The following SDC2 variants were observed in gnomAD, a reference collection of about 807,000 sequenced individuals.
SDC2 encodes syndecan 2.
SDC2 carries 13 observed loss-of-function variants against 22.2 expected under a neutral mutation model. The observed-to-expected ratio is 0.59, with a 90% CI of 0.38 to 0.93. SDC2 has a LOEUF of 0.93. SDC2 is among the 40% of genes least tolerant of loss of function. SDC2 has a pLI of 0.00. For missense variants in SDC2, 235 were observed against 246.8 expected (o/e 0.95, Z 0.32); for synonymous variants, 94 against 92.8 (o/e 1.01, Z -0.07).
At chr8:96,563,630 G>A (rs187301100) in intron 1 of SDC2, among the ~76,000 whole-genome samples, 42 of 152,168 alleles carry the variant, frequency 2.8e-4, no homozygotes, top group Non-Finnish European at 5.9e-4. Flanking sequence ...AATTTGAGAT[G>A]CTGCCGGCCC....
At chr8:96,598,712 C>T (rs1302401421) in intron 2 of SDC2, among the ~76,000 whole-genome samples, 2 of 151,862 alleles carry the variant, frequency 1.3e-5, no homozygotes, top group Non-Finnish European at 2.9e-5. Flanking sequence ...AGGAAGGCTT[C>T]AGAGAGGGGG....
intron 1 of SDC2, among the ~76,000 whole-genome samples, chr8:96,583,521 G>T (rs1037345902): frequency 6.6e-6 from 1 of 150,660 alleles, no homozygotes; most frequent in Non-Finnish European, 1.5e-5. Context: ...TATCGGTCTT[G>T]TGCTTTCTGT....
intron 1 of SDC2, among the ~76,000 whole-genome samples, chr8:96,539,634 C>T (rs570876113): frequency 2.6e-5 from 4 of 152,328 alleles, no homozygotes; most frequent in African/African-American, 7.2e-5. Context: ...ATGCCTGCAT[C>T]GTTTAAGTTG....
chr8:96,596,260 G>A (rs1814874194), intron 2 of SDC2, among the ~76,000 whole-genome samples: 1 of 152,152 alleles, frequency 6.6e-6, no homozygotes, highest in Admixed American at 6.5e-5. Flanking sequence ...GCCTCCTTGT[G>A]TCATAAACCC....
At chr8:96,516,172 A>G (rs1053996767) in intron 1 of SDC2, among the ~76,000 whole-genome samples, 5 of 152,288 alleles carry the variant, frequency 3.3e-5, no homozygotes, top group Non-Finnish European at 7.4e-5. Flanking sequence ...GAAAACCTAG[A>G]AAGCTTGCAA....
chr8:96,507,183 C>A (rs1389195182), intron 1 of SDC2, among the ~76,000 whole-genome samples: 2 of 152,144 alleles, frequency 1.3e-5, no homozygotes, highest in East Asian at 3.9e-4. Context: ...AGTGATTTAT[C>A]CAAGATTACC....
chr8:96,608,849 A>G (rs538524293), intron 4 of SDC2, among the ~76,000 whole-genome samples: 1 of 152,236 alleles, frequency 6.6e-6, no homozygotes, highest in Non-Finnish European at 1.5e-5. Context: ...AAGGCAGTTC[A>G]TATAAGTACT....
At chr8:96,578,575 A>G (rs139656179) in intron 1 of SDC2, among the ~76,000 whole-genome samples, 19 of 152,250 alleles carry the variant, frequency 1.2e-4, no homozygotes, top group African/African-American at 4.1e-4. Context: ...TTGTGCCACA[A>G]TTTTACAATG....
chr8:96,568,839 G>A (rs1814343143), intron 1 of SDC2, among the ~76,000 whole-genome samples: 1 of 152,152 alleles, frequency 6.6e-6, no homozygotes, highest in Admixed American at 6.5e-5. Context: ...ATGGGGAACT[G>A]TTCATCTATT....
intron 1 of SDC2, among the ~76,000 whole-genome samples, chr8:96,510,005 A>T (rs1813304373): frequency 6.6e-6 from 1 of 152,174 alleles, no homozygotes; most frequent in South Asian, 2.1e-4. Flanking sequence ...CTATAAAGTA[A>T]GTTTATCTGA....
intron 2 of SDC2, among the ~76,000 whole-genome samples, chr8:96,596,179 A>G (rs2130639877): frequency 6.6e-6 from 1 of 152,356 alleles, no homozygotes; most frequent in East Asian, 1.9e-4. Flanking sequence ...AGAAGGTAAT[A>G]GAACTGGGAT....
At chr8:96,607,967 T>C (rs1386139760) in intron 3 of SDC2, among the ~76,000 whole-genome samples, 1 of 151,878 alleles carries the variant, frequency 6.6e-6, no homozygotes, top group Non-Finnish European at 1.5e-5. Flanking sequence ...GCAGGGAGAA[T>C]TGGGGCAGTG....
At chr8:96,563,694 GT>G (rs1814249167) in intron 1 of SDC2, among the ~76,000 whole-genome samples, 1 of 152,080 alleles carries the variant, frequency 6.6e-6, no homozygotes, top group Non-Finnish European at 1.5e-5. Context: ...ATTCTAATAC[GT>G]TTTGGTTAAA....
At chr8:96,565,084 A>ATTTTTTTTTTTTTTTT (rs11304418) in intron 1 of SDC2, among the ~76,000 whole-genome samples, 2,846 of 67,406 alleles carry the variant, frequency 0.042, 583 homozygotes, top group Non-Finnish European at 0.061. Context: ...CCTAAATTTG[A>ATTTTTTTTTTTTTTTT]TTTTTTTTTT....
intron 1 of SDC2, among the ~76,000 whole-genome samples, chr8:96,581,679 G>C (rs1445837238): frequency 6.6e-6 from 1 of 152,108 alleles, no homozygotes; most frequent in East Asian, 1.9e-4. Context: ...CTGTCAGCAG[G>C]ATGCTGGAAT....
At chr8:96,513,404 C>T (rs561713484) in intron 1 of SDC2, among the ~76,000 whole-genome samples, 1 of 152,270 alleles carries the variant, frequency 6.6e-6, no homozygotes, top group East Asian at 1.9e-4. Flanking sequence ...ATTAACTACC[C>T]TTCTGAGCCT....
At position 96,602,533 on chromosome 8, in the gene SDC2, GTTC is replaced by G; in HGVS notation, c.306+7_306+9del. On this transcript the variant is annotated splice_donor_region_variant and intron_variant, in intron 3 of 4. Coordinates refer to ENST00000302190, the MANE Select transcript of SDC2 (RefSeq NM_002998.4). ...AAGATACCTGCTCAGACAAAGGTGC[GTTC>G]TATTTTCCATTGCATTGCATTATCA... 6.2e-7 allele frequency: 1 copy of G among 1,613,872 alleles called. No individual in the cohort carries two copies. Among genetic ancestry groups the G allele is most frequent in the Non-Finnish European group, 8.5e-7 (1 of 1,179,860 alleles).
chr8:96,571,465 A>C (rs1452411826), intron 1 of SDC2, among the ~76,000 whole-genome samples: 1 of 152,182 alleles, frequency 6.6e-6, no homozygotes, highest in Non-Finnish European at 1.5e-5. Context: ...CAAAGCAATA[A>C]AAAACTCAAA....
intron 1 of SDC2, among the ~76,000 whole-genome samples, chr8:96,543,270 A>G (rs1174303030): frequency 2.6e-5 from 4 of 152,242 alleles, no homozygotes; most frequent in African/African-American, 7.2e-5. Context: ...AAATATGTGT[A>G]TATATCTCAC....
Sources: gnomAD v4.1 joint callset for allele counts (sites outside exome capture counted in the v4.1 genomes callset) on GRCh38, gnomAD v4.1.1 for gene constraint, MANE v1.5 for transcripts, NCBI Gene and HGNC (gene_info 2026-07-23, HGNC 2026-07-21) for gene names.